PEX14: variants seen among roughly 807,000 people sequenced by gnomAD.
PEX14 encodes peroxisomal biogenesis factor 14.
PEX14 carries 15 observed loss-of-function variants against 49.5 expected under a neutral mutation model. That is an observed-to-expected ratio of 0.30 (90% CI 0.20 to 0.47). The LOEUF is 0.47. Among genes scored for constraint, PEX14 ranks in the 20% least tolerant of loss-of-function variants. The pLI, the probability that PEX14 is intolerant of heterozygous loss-of-function variation, is 1.00. For missense variants in PEX14, 398 were observed against 494.8 expected (o/e 0.80, Z 1.86); for synonymous variants, 210 against 212.7 (o/e 0.99, Z 0.11).
At chr1:10,626,138 C>T (rs756198142) in intron 7 of PEX14, among the ~76,000 whole-genome samples, 3 of 152,202 alleles carry the variant, frequency 2.0e-5, no homozygotes, top group Non-Finnish European at 4.4e-5. Context: ...GAGTTTTCTA[C>T]AACTGTTTTT....
At chr1:10,516,965 T>TTTGC (rs1306143437) in intron 2 of PEX14, 1 of 152,300 alleles carries the variant, frequency 6.6e-6, no homozygotes, top group Non-Finnish European at 1.5e-5. Flanking sequence ...AGAGCCTTTC[T>TTTGC]TTGCAGTTTT....
intron 4 of PEX14, among the ~76,000 whole-genome samples, chr1:10,603,285 T>G (rs894532036): frequency 8.5e-5 from 13 of 152,278 alleles, no homozygotes; most frequent in African/African-American, 2.4e-4. Context: ...AGCATCTTGC[T>G]AAGCTCTTTG....
chr1:10,529,039 T>C lies in PEX14; in HGVS notation c.85-7174T>C, dbSNP rs1024419536. On this transcript the variant is annotated intron_variant, in intron 2 of 8. Transcript: ENST00000356607. The surrounding 1 kb of genome is among the most constrained non-coding windows in gnomAD (Gnocchi z 4.2). ...GGAAAAGGCAAATGTCATCCTTTTT[T>C]CCTCCCCTCTTTGGGTAACTGCTTT... Among the ~76,000 whole-genome samples the C allele has an allele frequency of 3.3e-5, 5 of 152,214 alleles. No homozygotes were observed. The highest frequency in any genetic ancestry group is 1.2e-4 in the African/African-American group (5 of 41,448).
intron 3 of PEX14, among the ~76,000 whole-genome samples, chr1:10,541,638 C>T (rs1639017189): frequency 6.6e-6 from 1 of 152,236 alleles, no homozygotes; most frequent in Admixed American, 6.5e-5. Context: ...CCCTGCCAGT[C>T]TTGCACCTGC....
Position 10,630,376 on chromosome 1 carries a change from T to C in PEX14, c.*389T>C. 1 of 244,446 alleles carries C rather than the reference T, an allele frequency of 4.1e-6. No homozygotes were observed. The highest frequency in any genetic ancestry group is 8.0e-6 in the Non-Finnish European group (1 of 124,324). The allele number at this position is 244,446 out of a possible 1,614,324, so 15.1% of individuals were successfully genotyped here. The stretch of plus-strand genomic sequence containing the variant: ...CACGCATGGCCAGAGCTAGCGTCCC[T>C]ACTGCCTCCCGACTCCTCAGTGGAG... On this transcript the variant is annotated 3_prime_UTR_variant, in exon 9 of 9. Transcript: ENST00000356607. The surrounding 1 kb of genome is among the most constrained non-coding windows in gnomAD (Gnocchi z 4.1).
At chr1:10,551,351 T>G (rs1473785452) in intron 3 of PEX14, among the ~76,000 whole-genome samples, 1 of 152,188 alleles carries the variant, frequency 6.6e-6, no homozygotes, top group Non-Finnish European at 1.5e-5. Context: ...GACTTTCTCC[T>G]GAGCTTCCGT....
intron 1 of PEX14, among the ~76,000 whole-genome samples, chr1:10,486,804 A>G (rs188854242): frequency 3.0e-4 from 45 of 150,832 alleles, no homozygotes; most frequent in African/African-American, 1.0e-3. Context: ...TCTCTGCCTC[A>G]GCCTCCTGAG....
intron 1 of PEX14, among the ~76,000 whole-genome samples, chr1:10,477,881 A>G (rs1332388801): frequency 6.6e-6 from 1 of 152,048 alleles, no homozygotes; most frequent in African/African-American, 2.4e-5. Flanking sequence ...GGACTAAATG[A>G]GTTATTTATT....
At chr1:10,626,467 G>A (rs1342656894) in intron 7 of PEX14, among the ~76,000 whole-genome samples, 3 of 152,218 alleles carry the variant, frequency 2.0e-5, no homozygotes, top group Non-Finnish European at 2.9e-5. Context: ...CCCTGCTAAG[G>A]TGTGCCAGCT....
intron 3 of PEX14, among the ~76,000 whole-genome samples, chr1:10,587,920 T>TTTTTAA (rs1453146872): frequency 1.6e-5 from 1 of 64,074 alleles, no homozygotes; most frequent in African/African-American, 6.7e-5. Flanking sequence ...TTTTTTTTTT[T>TTTTTAA]AAAAAAAAAA....
rs565247030 is a variant in PEX14 at position 10,520,148 on chromosome 1, C to CTTTTT, written c.85-16055_85-16051dup. 2.1e-3 allele frequency among the ~76,000 whole-genome samples: 143 copies of CTTTTT among 69,194 alleles called. 2 individuals carry two copies. The highest frequency in any genetic ancestry group is 3.5e-3 in the Non-Finnish European group (104 of 29,812). The allele number at this position is 69,194 out of a possible 152,430, so 45.4% of individuals were successfully genotyped here. ...AGCTGTTGTGCCTGGCCTTCTTCTT[C>CTTTTT]TTTTTTTTTTTTTTGTTTTTTTAAC... On this transcript the variant is annotated intron_variant, in intron 2 of 8. Transcript: ENST00000356607.
In PEX14 at chr1:10,582,731, T is replaced by C. The variant is rs367754311; in HGVS notation, c.170-16507T>C. Among the ~76,000 whole-genome samples the C allele has an allele frequency of 1.1e-4, 16 of 152,220 alleles. 2 individuals are homozygous for C. The East Asian group carries it at 2.7e-3, about 26-fold the overall frequency. ...ATATATGGTAACAGGCATTTTGTTT[T>C]GTTTGGTTTGGTTTGGTTTTGAGAT... is the stretch of plus-strand genomic sequence containing the variant. On this transcript the variant is annotated intron_variant, in intron 3 of 8. Transcript: ENST00000356607.
intron 3 of PEX14, among the ~76,000 whole-genome samples, chr1:10,590,273 C>T (rs1415864424): frequency 1.3e-5 from 2 of 152,232 alleles, no homozygotes; most frequent in Non-Finnish European, 2.9e-5. Flanking sequence ...CTCGGCAGGC[C>T]TGCACAGGGT....
At chr1:10,595,211 T>G (rs1640802425) in intron 3 of PEX14, among the ~76,000 whole-genome samples, 1 of 152,146 alleles carries the variant, frequency 6.6e-6, no homozygotes, top group Admixed American at 6.5e-5. Context: ...TCAAAGAGTT[T>G]GGTTTGAATT....
At chr1:10,522,868 C>T (rs1427592569) in intron 2 of PEX14, among the ~76,000 whole-genome samples, 1 of 152,180 alleles carries the variant, frequency 6.6e-6, no homozygotes, top group Non-Finnish European at 1.5e-5. Context: ...AAATGGATTA[C>T]ATACTTTCTT....
At chr1:10,587,360 C>T (rs1201212620) in intron 3 of PEX14, among the ~76,000 whole-genome samples, 1 of 151,992 alleles carries the variant, frequency 6.6e-6, no homozygotes, top group Admixed American at 6.6e-5. Context: ...TAGGCTGAGG[C>T]ACGAGAATTG....
intron 2 of PEX14, among the ~76,000 whole-genome samples, chr1:10,523,266 G>C (rs897050617): frequency 1.3e-5 from 2 of 152,120 alleles, no homozygotes; most frequent in Non-Finnish European, 2.9e-5. Flanking sequence ...ATAGTAAGTA[G>C]CGTGAGTAAA....
intron 3 of PEX14, among the ~76,000 whole-genome samples, chr1:10,556,542 G>T (rs187663130): frequency 5.0e-4 from 76 of 152,292 alleles, no homozygotes; most frequent in African/African-American, 1.8e-3. Context: ...GGTGTGCGCT[G>T]ACCTCATCCT....
In PEX14 at chr1:10,495,376, TGAAAA is replaced by T; in HGVS notation, c.84+60_84+64del. On this transcript the variant is annotated intron_variant, in intron 2 of 8. Transcript: ENST00000356607. The surrounding 1 kb of genome is among the most constrained non-coding windows in gnomAD (Gnocchi z 4.2). ...TCTAGTAATTAAAATGCCACGCGAG[TGAAAA>T]GAAACCTTCTGTTCCTATGGTTCTG... 1 of 1,410,320 alleles carries T rather than the reference TGAAAA, an allele frequency of 7.1e-7. No homozygotes were observed. The highest frequency in any genetic ancestry group is 1.0e-6 in the Non-Finnish European group (1 of 1,000,516). The allele number at this position is 1,410,320 out of a possible 1,614,324, so 87.4% of individuals were successfully genotyped here. A position where few individuals can be genotyped will look rare whatever the true frequency, so the allele number is the denominator to read the frequency against.
Sources: gnomAD v4.1 joint callset for allele counts (sites outside exome capture counted in the v4.1 genomes callset) on GRCh38, gnomAD v4.1.1 for gene constraint, Gnocchi (gnomAD v3.1) non-coding constraint, MANE v1.5 for transcripts, NCBI Gene and HGNC (gene_info 2026-07-23, HGNC 2026-07-21) for gene names.